ZNF157: variants seen among roughly 807,000 people sequenced by gnomAD.
The protein encoded by ZNF157 is zinc finger protein 22.
In ZNF157, 8 loss-of-function variants were observed where a neutral mutation model predicts 9.4. That is an observed-to-expected ratio of 0.85 (90% CI 0.50 to 1.53). The LOEUF (loss-of-function observed/expected upper bound fraction) is 1.53. Among genes scored for constraint, ZNF157 ranks in the 40% most tolerant of loss-of-function variants. The pLI, the probability that ZNF157 is intolerant of heterozygous loss-of-function variation, is 0.00. For missense variants in ZNF157, 316 were observed against 385.2 expected, an observed-to-expected ratio of 0.82 and a Z score of 1.50; for synonymous variants, 120 against 130.8, an observed-to-expected ratio of 0.92 and a Z score of 0.56.
intron 1 of ZNF157, among the ~76,000 whole-genome samples, chrX:47,373,983 A>T (rs2055836240): frequency 9.1e-6 from 1 of 110,446 alleles, no homozygotes; most frequent in Non-Finnish European, 1.9e-5. Flanking sequence ...GGCATGAGCC[A>T]CTACTCCCAG....
At chrX:47,383,684 GAAAA>G (rs11324804) in intron 1 of ZNF157, among the ~76,000 whole-genome samples, 1 of 41,582 alleles carries the variant, frequency 2.4e-5, no homozygotes, top group Non-Finnish European at 4.2e-5. Flanking sequence ...CTCTGTCTCA[GAAAA>G]AAAAAAAAAA....
Position 47,395,944 on chromosome X carries a change from T to C in ZNF157, c.73-14332T>C, listed in dbSNP as rs772415192. 1.8e-3 allele frequency among the ~76,000 whole-genome samples: 196 copies of C among 111,127 alleles called. 1 individual carries two copies. The highest frequency in any genetic ancestry group is 6.1e-3 in the African/African-American group (188 of 30,626). On this transcript the variant is annotated intron_variant, in intron 1 of 3. Transcript: ENST00000377073. ...TTGAGCCACTGCACTCCAGCCTGGG[T>C]GAGAGAGCGAGACCTTGTCTCAAAA...
chrX:47,413,357 C>T lies in ZNF157; in HGVS notation c.1284C>T (p.Ser428=). Residue 428 remains serine, a synonymous_variant, in exon 4 of 4, where the codon TCC becomes TCT. Transcript: ENST00000377073. ...ECGKIFSMKK[S]LCQHRRTHTG... ...GGAAAATCTTCAGTATGAAGAAATC[C>T]CTTTGTCAACACCGGAGAACTCACA... 1 of 1,210,702 alleles carries T rather than the reference C, an allele frequency of 8.3e-7. No individual in the cohort carries two copies. Among genetic ancestry groups the T allele is most frequent in the Non-Finnish European group, 1.1e-6 (1 of 895,039 alleles).
At position 47,388,952 on chromosome X, in the gene ZNF157, C is replaced by T. The variant is rs746179424; in HGVS notation, c.72+18212C>T. On this transcript the variant is annotated intron_variant, in intron 1 of 3. Coordinates refer to ENST00000377073, the MANE Select transcript of ZNF157 (RefSeq NM_003446.4). The stretch of plus-strand genomic sequence containing the variant: ...AAGCAATTCTCTTGCCTCAGCCTCT[C>T]GAGTAGCACCACCACGCCTGGCTAA... 6.4e-5 allele frequency among the ~76,000 whole-genome samples: 7 copies of T among 110,019 alleles called. No individual in the cohort carries two copies. In the East Asian group the frequency reaches 2.0e-3, roughly 32 times the overall value.
intron 1 of ZNF157, among the ~76,000 whole-genome samples, chrX:47,404,483 C>A (rs1399775460): frequency 1.8e-5 from 2 of 109,965 alleles, no homozygotes; most frequent in African/African-American, 6.6e-5. Context: ...GAGAATCTGT[C>A]TGAAACAAAC....
Position 47,412,426 on chromosome X carries a change from A to T in ZNF157, c.353A>T (p.Asp118Val). ...GSVGDNALRH[D>V]NDLLHHQKIQ... ...GTTGGGGATAATGCCCTCAGGCATG[A>T]TAATGACCTTCTTCACCATCAGAAG... The change falls in exon 4 of 4, where the codon GAT becomes GTT. Residue 118 changes from aspartate (D) to valine (V), a missense_variant. Transcript: ENST00000377073. 8.3e-7 allele frequency: 1 copy of T among 1,211,891 alleles called. No homozygotes were observed. Among genetic ancestry groups the T allele is most frequent in the Non-Finnish European group, 1.1e-6 (1 of 895,255 alleles).
chrX:47,373,986 A>G, intron 1 of ZNF157, among the ~76,000 whole-genome samples: 2 of 109,366 alleles, frequency 1.8e-5, no homozygotes, highest in South Asian at 7.9e-4. Context: ...ATGAGCCACT[A>G]CTCCCAGCCT....
rs183851458 is a variant in ZNF157, at chrX:47,378,296, A to T, written c.72+7556A>T. Among the ~76,000 whole-genome samples the T allele has an allele frequency of 2.2e-4, 24 of 111,196 alleles. No homozygotes were observed. The East Asian group carries it at 6.8e-3, about 31-fold the overall frequency. On this transcript the variant is annotated intron_variant, in intron 1 of 3. Coordinates refer to ENST00000377073, the MANE Select transcript of ZNF157 (RefSeq NM_003446.4). ...TTACGGATCTGGGTGGTCCCAACTG[A>T]TCAATTAAGTGCAGAGTCTGCAAAA...
intron 3 of ZNF157, among the ~76,000 whole-genome samples, chrX:47,411,897 G>A (rs1361175432): frequency 9.0e-6 from 1 of 111,481 alleles, no homozygotes; most frequent in Non-Finnish European, 1.9e-5. Flanking sequence ...TATGTTTGAT[G>A]GTGAAAAGAA....
At chrX:47,404,806 AT>A (rs1298795671) in intron 1 of ZNF157, among the ~76,000 whole-genome samples, 6 of 108,948 alleles carry the variant, frequency 5.5e-5, no homozygotes, top group South Asian at 7.7e-4. Context: ...ATTTTTTTAA[AT>A]TTTTTTTTGA....
At chrX:47,380,971 CAGG>C (rs1343389882) in intron 1 of ZNF157, among the ~76,000 whole-genome samples, 2 of 32,681 alleles carry the variant, frequency 6.1e-5, no homozygotes, top group African/African-American at 1.3e-4. Flanking sequence ...AAAGGAGGAG[CAGG>C]AGGAGGAGGA....
intron 1 of ZNF157, among the ~76,000 whole-genome samples, chrX:47,399,309 AGAT>A (rs1342203838): frequency 9.0e-6 from 1 of 111,470 alleles, no homozygotes; most frequent in Non-Finnish European, 1.9e-5. Flanking sequence ...CAATTTTGTC[AGAT>A]GGGGTGAAGG....
intron 1 of ZNF157, among the ~76,000 whole-genome samples, chrX:47,408,841 T>A (rs900127257): frequency 9.0e-6 from 1 of 111,445 alleles, no homozygotes; most frequent in Non-Finnish European, 1.9e-5. Context: ...TGGTGTTAAA[T>A]CATGAGAAAC....
chrX:47,373,706 T>G (rs1268633816), intron 1 of ZNF157, among the ~76,000 whole-genome samples: 1 of 84,336 alleles, frequency 1.2e-5, no homozygotes, highest in Non-Finnish European at 2.1e-5. Flanking sequence ...TTTCCCTGAG[T>G]TTTTTTTTTT....
chrX:47,383,357 G>GCA (rs2055869469), intron 1 of ZNF157, among the ~76,000 whole-genome samples: 1 of 74,821 alleles, frequency 1.3e-5, no homozygotes, highest in African/African-American at 5.0e-5. Flanking sequence ...GGGTGACAGA[G>GCA]AGGGACTCAG....
At chrX:47,394,935 C>T (rs1186339447) in intron 1 of ZNF157, among the ~76,000 whole-genome samples, 1 of 111,568 alleles carries the variant, frequency 9.0e-6, no homozygotes, top group East Asian at 2.8e-4. Context: ...CCTCCCACCT[C>T]AGCCTCCCAC....
chrX:47,372,494 CTTTT>C, intron 1 of ZNF157, among the ~76,000 whole-genome samples: 1 of 85,830 alleles, frequency 1.2e-5, no homozygotes, highest in Admixed American at 1.3e-4. Context: ...TATTTGTATT[CTTTT>C]TTTTTTTTTT....
At chrX:47,381,810 A>C (rs2055864269) in intron 1 of ZNF157, among the ~76,000 whole-genome samples, 1 of 112,073 alleles carries the variant, frequency 8.9e-6, no homozygotes, top group African/African-American at 3.2e-5. Flanking sequence ...AAACACAAGA[A>C]GTTATTCATG....
intron 1 of ZNF157, among the ~76,000 whole-genome samples, chrX:47,395,242 G>A (rs777615438): frequency 5.4e-5 from 6 of 111,616 alleles, no homozygotes; most frequent in Non-Finnish European, 9.4e-5. Flanking sequence ...AGAAATGGGC[G>A]TCTTGCTATG....
Sources: allele counts gnomAD v4.1 joint callset (sites outside exome capture counted in the v4.1 genomes callset), GRCh38; gene constraint gnomAD v4.1.1; transcripts MANE v1.5; gene names NCBI Gene and HGNC (gene_info 2026-07-23, HGNC 2026-07-21).